The following TMEM38B variants were observed in gnomAD, a reference collection of about 807,000 sequenced individuals.
TMEM38B encodes transmembrane protein 38B, also known as trimeric intracellular cation channel type B.
In TMEM38B, 24 loss-of-function variants were observed where a neutral mutation model predicts 28.7. The ratio of observed to expected loss-of-function variants is 0.84; its 90% confidence interval spans 0.61 to 1.18. The LOEUF (loss-of-function observed/expected upper bound fraction) is 1.18, where lower values mean the gene tolerates loss of function less well. Among genes scored for constraint, TMEM38B ranks in the 50% most tolerant of loss-of-function variants. TMEM38B has a pLI of 0.00. For synonymous variants in TMEM38B, 131 were observed against 127.7 expected (o/e 1.03, Z -0.17); for missense variants, 380 against 350.9 (o/e 1.08, Z -0.66).
chr9:105,731,794 T>C (rs1182113948), intron 4 of TMEM38B, among the ~76,000 whole-genome samples: 2 of 152,192 alleles, frequency 1.3e-5, no homozygotes, highest in Non-Finnish European at 2.9e-5. Context: ...TATAGCAGCA[T>C]GATTTATAAT....
intron 4 of TMEM38B, among the ~76,000 whole-genome samples, chr9:105,736,773 C>T (rs978072080): frequency 5.9e-5 from 9 of 152,212 alleles, no homozygotes; most frequent in Non-Finnish European, 8.8e-5. Context: ...GAAAGGCTTT[C>T]ACCTGTGTGT....
intron 2 of TMEM38B, among the ~76,000 whole-genome samples, chr9:105,712,780 G>A (rs1013580778): frequency 1.3e-5 from 2 of 152,238 alleles, no homozygotes; most frequent in African/African-American, 2.4e-5. Context: ...CTGCTTCAGG[G>A]AGGGCACAGG....
chr9:105,719,047 G>C (rs112233596), intron 2 of TMEM38B, among the ~76,000 whole-genome samples: 12 of 152,134 alleles, frequency 7.9e-5, no homozygotes, highest in Non-Finnish European at 1.6e-4. Flanking sequence ...TACTGTCTTC[G>C]ATAGAGGAGT....
intron 5 of TMEM38B, among the ~76,000 whole-genome samples, chr9:105,752,159 C>T (rs1217695653): frequency 6.6e-6 from 1 of 152,110 alleles, no homozygotes. Context: ...CCATTCCAGC[C>T]AGGGTTCTCC....
intron 4 of TMEM38B, among the ~76,000 whole-genome samples, chr9:105,741,644 T>G (rs532686516): frequency 9.2e-5 from 14 of 152,166 alleles, no homozygotes; most frequent in Non-Finnish European, 1.9e-4. Flanking sequence ...TTGTGATCAG[T>G]GAATGTGGAT....
Position 105,708,142 on chromosome 9 carries a change from T to C in TMEM38B, c.269+2389T>C, listed in dbSNP as rs190542300. Among the ~76,000 whole-genome samples, 184 of 152,290 alleles carry C rather than the reference T, an allele frequency of 1.2e-3. 1 individual carries two copies. Among genetic ancestry groups the C allele is most frequent in the African/African-American group, 4.2e-3 (174 of 41,564 alleles). On this transcript the variant is annotated intron_variant, in intron 2 of 5. Transcript: ENST00000374692. Reference sequence around the variant, plus strand: ...ATTCTTCATGGAGCAGACAAAATTATTACAGTTGGCCTTCTATACCCATGG... The same window carrying C: ...ATTCTTCATGGAGCAGACAAAATTACTACAGTTGGCCTTCTATACCCATGG...
At chr9:105,748,277 G>C (rs946008654) in intron 5 of TMEM38B, 87 bp downstream of exon 5, 1 of 907,268 alleles carries the variant, frequency 1.1e-6, no homozygotes, top group Non-Finnish European at 1.7e-6. Flanking sequence ...CAAGTAAGAG[G>C]AACATTTATT....
At chr9:105,759,272 T>TG in intron 5 of TMEM38B, 1 of 734,312 alleles carries the variant, frequency 1.4e-6, no homozygotes, top group Non-Finnish European at 2.4e-6. Flanking sequence ...ATAGATCCAG[T>TG]GGGATACATA....
At chr9:105,748,452 A>C (rs1234710127) in intron 5 of TMEM38B, among the ~76,000 whole-genome samples, 1 of 151,664 alleles carries the variant, frequency 6.6e-6, no homozygotes, top group Non-Finnish European at 1.5e-5. Context: ...AGTAGTGGAA[A>C]TAGCCAAGGC....
chr9:105,719,179 C>A (rs1032492001), intron 2 of TMEM38B, among the ~76,000 whole-genome samples: 1 of 152,154 alleles, frequency 6.6e-6, no homozygotes, highest in African/African-American at 2.4e-5. Flanking sequence ...GTTGAGATTT[C>A]ATTTGTTTGT....
chr9:105,772,391 C>G (rs375629844), intron 5 of TMEM38B, among the ~76,000 whole-genome samples: 2 of 152,148 alleles, frequency 1.3e-5, no homozygotes, highest in African/African-American at 2.4e-5. Flanking sequence ...CCTTATCCCC[C>G]CTGGACTTCT....
chr9:105,694,793 G>C, intron 1 of TMEM38B, 21 bp downstream of exon 1: 1 of 1,364,734 alleles, frequency 7.3e-7, no homozygotes, highest in Non-Finnish European at 9.8e-7. Context: ...GGCGCCGCGG[G>C]CCGGACCCCT....
rs1826690852 is a variant in TMEM38B at position 105,775,316 on chromosome 9, CAAG to C, written c.*1239_*1241del. 6.6e-6 allele frequency: 1 copy of C among 151,902 alleles called. No individual in the cohort carries two copies. The highest frequency in any genetic ancestry group is 2.4e-5 in the African/African-American group (1 of 41,372). 9.4% of individuals were successfully genotyped at this position (151,902 alleles called of 1,614,324 possible). A position where few individuals can be genotyped will look rare whatever the true frequency, so the allele number is the denominator to read the frequency against. ...CCTTCTTAGCAAAATAAAAAACAAA[CAAG>C]AAAAGATACTAAATGATGTTAATTT... On this transcript the variant is annotated 3_prime_UTR_variant, in exon 6 of 6. Transcript: ENST00000374692.
chr9:105,733,729 C>T (rs1326475011), intron 4 of TMEM38B, among the ~76,000 whole-genome samples: 2 of 151,846 alleles, frequency 1.3e-5, no homozygotes, highest in African/African-American at 2.4e-5. Context: ...TATTCACTTA[C>T]TCTAGGTTAT....
intron 5 of TMEM38B, chr9:105,749,416 T>G (rs890688554): frequency 5.6e-6 from 1 of 177,082 alleles, no homozygotes; most frequent in Non-Finnish European, 1.2e-5. Context: ...AACTCCCATT[T>G]ATAAAACCAT....
chr9:105,748,220 C>G, intron 5 of TMEM38B, 30 bp downstream of exon 5: 1 of 1,496,422 alleles, frequency 6.7e-7, no homozygotes, highest in Non-Finnish European at 9.3e-7. Flanking sequence ...ATAATTATTA[C>G]AAATCCTGTA....
chr9:105,733,824 T>G (rs997821153), intron 4 of TMEM38B, among the ~76,000 whole-genome samples: 1 of 152,070 alleles, frequency 6.6e-6, no homozygotes, highest in Non-Finnish European at 1.5e-5. Context: ...TCTCTACTTT[T>G]GTTTCTGATT....
chr9:105,760,179 G>A, intron 5 of TMEM38B: 1 of 916,916 alleles, frequency 1.1e-6, no homozygotes, highest in Non-Finnish European at 1.8e-6. Flanking sequence ...AACTTTTAAT[G>A]CGTATGATTT....
In TMEM38B at chr9:105,705,586, T is replaced by C. The variant is rs1342191736; in HGVS notation, c.113-11T>C. The stretch of plus-strand genomic sequence containing the variant: ...AATGATCACAGACCATATTTTACTT[T>C]ACCATTTCAGGAGCAGCTGCATTGG... On this transcript the variant is annotated splice_polypyrimidine_tract_variant and intron_variant, in intron 1 of 5. Coordinates refer to ENST00000374692, the MANE Select transcript of TMEM38B (RefSeq NM_018112.3). 2 of 1,609,722 alleles carry C rather than the reference T, an allele frequency of 1.2e-6. No individual in the cohort carries two copies. The highest frequency in any genetic ancestry group is 1.1e-5 in the South Asian group (1 of 90,522).
Sources: allele counts gnomAD v4.1 joint callset (sites outside exome capture counted in the v4.1 genomes callset), GRCh38; gene constraint gnomAD v4.1.1; transcripts MANE v1.5; gene names NCBI Gene and HGNC (gene_info 2026-07-23, HGNC 2026-07-21).